Variants in CDYL observed in about 807,000 individuals in gnomAD.
The protein encoded by CDYL is chromodomain Y-like protein.
A neutral mutation model predicts 47.3 loss-of-function variants in CDYL; 8 were observed. The observed-to-expected ratio is 0.17, with a 90% CI of 0.10 to 0.31. The LOEUF (loss-of-function observed/expected upper bound fraction) is 0.31. Among genes scored for constraint, CDYL ranks in the 10% least tolerant of loss-of-function variants. CDYL has a pLI of 1.00. For synonymous variants in CDYL, 266 were observed against 265.0 expected, an observed-to-expected ratio of 1.00 and a Z score of -0.04; for missense variants, 471 against 701.4, an observed-to-expected ratio of 0.67 and a Z score of 3.71.
intron 1 of CDYL, among the ~76,000 whole-genome samples, chr6:4,883,380 C>T (rs1318653824): frequency 6.6e-6 from 1 of 152,192 alleles, no homozygotes; most frequent in Non-Finnish European, 1.5e-5. Flanking sequence ...GCCATTCCTC[C>T]TTGCCAGACC....
intron 2 of CDYL, chr6:4,724,634 T>G (rs888609783): frequency 6.6e-6 from 1 of 152,446 alleles, no homozygotes; most frequent in Admixed American, 6.6e-5. Context: ...GTGGTCTTGC[T>G]GGCTTCAAAA....
rs540965732 is a variant in CDYL at position 4,935,357 on chromosome 6, A to G, written c.692-158A>G. On this transcript the variant is annotated intron_variant, in intron 2 of 6. Coordinates refer to ENST00000397588, the MANE Select transcript of CDYL (RefSeq NM_004824.4). ...TTGAAAGAGAGCAAGTGGCTTTAAA[A>G]GTAGACTTTGGCTTTCTAAAGGTTC... 4.6e-5 allele frequency among the ~76,000 whole-genome samples: 7 copies of G among 152,380 alleles called. No individual in the cohort carries two copies. In the East Asian group the frequency reaches 1.4e-3, roughly 29 times the overall value.
In CDYL at chr6:4,881,783, C is replaced by T. The variant is rs371592641; in HGVS notation, c.25-9930C>T. Among the ~76,000 whole-genome samples the T allele has an allele frequency of 3.0e-4, 45 of 152,292 alleles. 2 individuals carry two copies. The highest frequency in any genetic ancestry group is 1.0e-3 in the African/African-American group (42 of 41,560). On this transcript the variant is annotated intron_variant, in intron 1 of 6. Transcript: ENST00000397588. Reference sequence around the variant, plus strand: ...TCTTCCTGTATATCTGAGGTTCCATCGGTACCATTTTGCTTCAGCCCAAAT... The same window carrying T: ...TCTTCCTGTATATCTGAGGTTCCATTGGTACCATTTTGCTTCAGCCCAAAT...
At chr6:4,846,565 G>A (rs1363315089) in intron 1 of CDYL, among the ~76,000 whole-genome samples, 1 of 152,026 alleles carries the variant, frequency 6.6e-6, no homozygotes, top group Non-Finnish European at 1.5e-5. Flanking sequence ...AGTTATCTTG[G>A]ACCTGGAAAG....
At chr6:4,837,618 C>A (rs1760360253) in intron 1 of CDYL, among the ~76,000 whole-genome samples, 1 of 151,574 alleles carries the variant, frequency 6.6e-6, no homozygotes, top group Admixed American at 6.6e-5. Context: ...GCGAGTGTTA[C>A]CATGCCTGGC....
intron 1 of CDYL, among the ~76,000 whole-genome samples, chr6:4,884,346 C>T (rs1561685998): frequency 6.6e-6 from 1 of 152,112 alleles, no homozygotes; most frequent in Non-Finnish European, 1.5e-5. Context: ...TTTAGTTTGG[C>T]TCATCATGAT....
intron 1 of CDYL, among the ~76,000 whole-genome samples, chr6:4,839,556 T>C (rs553065378): frequency 6.6e-6 from 1 of 152,358 alleles, no homozygotes; most frequent in Non-Finnish European, 1.5e-5. Flanking sequence ...GTTTCAGTCT[T>C]AGATTTAAGT....
intron 2 of CDYL, among the ~76,000 whole-genome samples, chr6:4,726,032 C>G (rs1411356831): frequency 6.6e-6 from 1 of 152,080 alleles, no homozygotes; most frequent in East Asian, 1.9e-4. Context: ...AGGAACATCA[C>G]AGGAAATCAT....
chr6:4,888,520 G>C (rs1319794044), intron 1 of CDYL, among the ~76,000 whole-genome samples: 1 of 152,084 alleles, frequency 6.6e-6, no homozygotes, highest in East Asian at 1.9e-4. Context: ...AAATGTGGAT[G>C]TTTATTTTTC....
At chr6:4,914,794 G>T (rs9405785) in intron 2 of CDYL, among the ~76,000 whole-genome samples, 3 of 151,986 alleles carry the variant, frequency 2.0e-5, no homozygotes, top group African/African-American at 7.3e-5. Context: ...CATGGCCCAC[G>T]CATAGAGGTG....
chr6:4,910,833 T>C lies in CDYL; in HGVS notation c.691+18454T>C, dbSNP rs1350347594. 2.9e-5 allele frequency among the ~76,000 whole-genome samples: 3 copies of C among 101,712 alleles called. No homozygotes were observed. In the East Asian group the frequency reaches 9.5e-4, roughly 32 times the overall value. The allele number at this position is 101,712 out of a possible 152,430, so 66.7% of individuals were successfully genotyped here. A position where few individuals can be genotyped will look rare whatever the true frequency, so the allele number is the denominator to read the frequency against. Reference sequence around the variant, plus strand: ...CCTCTAGACCTTACCTGAGAAAGGATTTTTTTTTTTTTTTCCCCAAGACGG... The same window carrying C: ...CCTCTAGACCTTACCTGAGAAAGGACTTTTTTTTTTTTTTCCCCAAGACGG... On this transcript the variant is annotated intron_variant, in intron 2 of 6. Transcript: ENST00000397588.
chr6:4,737,423 C>T (rs928068804), intron 3 of CDYL, among the ~76,000 whole-genome samples: 6 of 152,000 alleles, frequency 3.9e-5, no homozygotes, highest in Admixed American at 1.3e-4. Context: ...GAGGCTGAGG[C>T]GGGTGAATCA....
chr6:4,838,167 A>G (rs986420739), intron 1 of CDYL, among the ~76,000 whole-genome samples: 1 of 151,638 alleles, frequency 6.6e-6, no homozygotes, highest in Non-Finnish European at 1.5e-5. Context: ...TTATTTTTTT[A>G]TTTTAATAGG....
intron 5 of CDYL, among the ~76,000 whole-genome samples, chr6:4,944,382 G>A (rs1581287057): frequency 6.6e-6 from 1 of 152,220 alleles, no homozygotes; most frequent in African/African-American, 2.4e-5. Flanking sequence ...CCGCACAGAG[G>A]AAGAGGTCAA....
At chr6:4,778,104 G>A (rs932383464) in intron 1 of CDYL, among the ~76,000 whole-genome samples, 2 of 152,124 alleles carry the variant, frequency 1.3e-5, no homozygotes, top group Non-Finnish European at 2.9e-5. Flanking sequence ...TTTCCTTCTA[G>A]GAAGGAAAGT....
intron 2 of CDYL, among the ~76,000 whole-genome samples, chr6:4,894,906 CGT>C (rs1561692409): frequency 5.8e-5 from 8 of 137,368 alleles, no homozygotes; most frequent in South Asian, 2.2e-4. Flanking sequence ...TACACACGTA[CGT>C]GTGTATATAT....
At chr6:4,896,772 A>G (rs1346657073) in intron 2 of CDYL, among the ~76,000 whole-genome samples, 1 of 152,216 alleles carries the variant, frequency 6.6e-6, no homozygotes, top group Non-Finnish European at 1.5e-5. Context: ...TCTAAAACTA[A>G]TTGAAGTAGA....
chr6:4,879,552 GT>G (rs59685693), intron 1 of CDYL, among the ~76,000 whole-genome samples: 7,759 of 106,104 alleles, frequency 0.073, 104 homozygotes, highest in African/African-American at 0.14. Context: ...TTTTTGTGGG[GT>G]TTTTTTTTTT....
intron 3 of CDYL, among the ~76,000 whole-genome samples, chr6:4,762,132 A>G (rs935731743): frequency 1.3e-5 from 2 of 152,314 alleles, no homozygotes; most frequent in Middle Eastern, 3.4e-3. Context: ...CCATCAAGGG[A>G]TGGGAGTCCT....
Sources: gnomAD v4.1 joint callset for allele counts (sites outside exome capture counted in the v4.1 genomes callset) on GRCh38, gnomAD v4.1.1 for gene constraint, MANE v1.5 for transcripts, NCBI Gene and HGNC (gene_info 2026-07-23, HGNC 2026-07-21) for gene names.